The following ERC1 variants were observed in gnomAD, a reference collection of about 807,000 sequenced individuals.
ERC1 encodes the protein ELKS/RAB6-interacting/CAST family member 1.
ERC1 carries 56 observed loss-of-function variants against 132.0 expected under a neutral mutation model. The observed-to-expected ratio is 0.42, with a 90% CI of 0.34 to 0.53. The LOEUF is 0.53. ERC1 is among the 20% of genes least tolerant of loss of function. The pLI, the probability that ERC1 is intolerant of heterozygous loss-of-function variation, is 0.03. For missense variants in ERC1, 1,202 were observed against 1,349.9 expected (o/e 0.89, Z 1.72); for synonymous variants, 478 against 476.1 (o/e 1.00, Z -0.05).
chr12:1,197,757 C>T (rs1956473968), intron 12 of ERC1, among the ~76,000 whole-genome samples: 1 of 152,138 alleles, frequency 6.6e-6, no homozygotes, highest in South Asian at 2.1e-4. Context: ...CTAGAAATTC[C>T]AGTGATGAAA....
chr12:1,176,087 T>A (rs2064945522), intron 8 of ERC1, among the ~76,000 whole-genome samples: 1 of 152,204 alleles, frequency 6.6e-6, no homozygotes, highest in African/African-American at 2.4e-5. Flanking sequence ...TTCCAAAAAG[T>A]TTTCAATTTA....
chr12:1,084,630 ACCTAGTAG>A (rs1442345623), intron 3 of ERC1, among the ~76,000 whole-genome samples: 4 of 152,034 alleles, frequency 2.6e-5, no homozygotes, highest in Non-Finnish European at 4.4e-5. Flanking sequence ...AAGTATTGTT[ACCTAGTAG>A]TAATTATTAA....
chr12:1,343,861 T>C (rs1356481517), intron 15 of ERC1, among the ~76,000 whole-genome samples: 1 of 152,046 alleles, frequency 6.6e-6, no homozygotes, highest in South Asian at 2.1e-4. Flanking sequence ...TTTTTTTTTT[T>C]AAGACAGTCT....
At chr12:1,117,594 T>C (rs1946586365) in intron 7 of ERC1, among the ~76,000 whole-genome samples, 1 of 152,216 alleles carries the variant, frequency 6.6e-6, no homozygotes, top group East Asian at 1.9e-4. Context: ...GGGAACGTAT[T>C]CAACTTCCTT....
chr12:1,485,326 A>T (rs142244833), intron 18 of ERC1, among the ~76,000 whole-genome samples: 1,742 of 143,736 alleles, frequency 0.012, 35 homozygotes, highest in African/African-American at 0.042. Flanking sequence ...TGCCTCAGCC[A>T]CCCAAGTAGC....
intron 2 of ERC1, among the ~76,000 whole-genome samples, chr12:1,040,997 A>C (rs1282366435): frequency 1.3e-5 from 2 of 152,150 alleles, no homozygotes; most frequent in African/African-American, 2.4e-5. Flanking sequence ...GTAATTCTTA[A>C]ACTTGTTGGC....
chr12:1,131,496 C>CT (rs1948755761), intron 7 of ERC1, among the ~76,000 whole-genome samples: 1 of 152,122 alleles, frequency 6.6e-6, no homozygotes, highest in South Asian at 2.1e-4. Flanking sequence ...GAGTCTCTCT[C>CT]TGTCACCCAG....
intron 1 of ERC1, among the ~76,000 whole-genome samples, chr12:1,004,466 A>G (rs1963118074): frequency 1.6e-5 from 2 of 125,242 alleles, no homozygotes; most frequent in East Asian, 2.3e-4. Flanking sequence ...GAGTGCAGTG[A>G]CGTGATCTCG....
At chr12:1,248,311 C>T (rs192347883) in intron 13 of ERC1, among the ~76,000 whole-genome samples, 2 of 152,260 alleles carry the variant, frequency 1.3e-5, no homozygotes, top group East Asian at 3.9e-4. Flanking sequence ...AACATTGTCT[C>T]ATGGAAAAAC....
At chr12:1,450,464 T>G (rs2154415764) in intron 18 of ERC1, among the ~76,000 whole-genome samples, 1 of 152,368 alleles carries the variant, frequency 6.6e-6, no homozygotes, top group South Asian at 2.1e-4. Flanking sequence ...GCACCTTGTT[T>G]AAGGAAATGC....
At chr12:1,253,313 A>G (rs1275990258) in intron 13 of ERC1, among the ~76,000 whole-genome samples, 1 of 152,126 alleles carries the variant, frequency 6.6e-6, no homozygotes, top group Non-Finnish European at 1.5e-5. Context: ...TGTTTGAGGG[A>G]ACAACAAATT....
chr12:1,347,049 G>A (rs1437309934), intron 15 of ERC1, among the ~76,000 whole-genome samples: 2 of 152,018 alleles, frequency 1.3e-5, no homozygotes, highest in African/African-American at 4.8e-5. Flanking sequence ...AAGGTATTTA[G>A]AATTGTGACA....
chr12:1,121,722 T>TG (rs1947186395), intron 7 of ERC1, among the ~76,000 whole-genome samples: 1 of 5,834 alleles, frequency 1.7e-4, no homozygotes. Context: ...TCTCTATCTC[T>TG]ATCTCTATCT....
chr12:1,115,804 A>G lies in ERC1; in HGVS notation c.1402-62A>G, dbSNP rs1295797220. 20 of 1,362,430 alleles carry G rather than the reference A, an allele frequency of 1.5e-5. No homozygotes were observed. In the Admixed American group the frequency reaches 2.1e-4, roughly 14 times the overall value. 84.4% of individuals were successfully genotyped at this position (1,362,430 alleles called of 1,614,324 possible). On this transcript the variant is annotated intron_variant, in intron 6 of 18. Coordinates refer to ENST00000360905, the MANE Select transcript of ERC1 (RefSeq NM_178040.4). Reference sequence around the variant, plus strand: ...ATTTTGTGACTCAGATCTGTGAAAGATACAGATAAGAGGTGTTTGTTTTAT... The same window carrying G: ...ATTTTGTGACTCAGATCTGTGAAAGGTACAGATAAGAGGTGTTTGTTTTAT...
intron 15 of ERC1, among the ~76,000 whole-genome samples, chr12:1,299,148 T>C (rs542362625): frequency 2.6e-5 from 4 of 152,270 alleles, no homozygotes; most frequent in Non-Finnish European, 2.9e-5. Context: ...ATCAGAAATA[T>C]AGAAGATCTA....
chr12:1,356,766 G>C (rs772508020), intron 15 of ERC1, among the ~76,000 whole-genome samples: 6 of 152,186 alleles, frequency 3.9e-5, no homozygotes, highest in Non-Finnish European at 7.3e-5. Context: ...CCCAGCTGAT[G>C]AGAATTTATC....
At chr12:1,295,063 G>T (rs1036861789) in intron 15 of ERC1, among the ~76,000 whole-genome samples, 7 of 152,216 alleles carry the variant, frequency 4.6e-5, no homozygotes, top group Non-Finnish European at 7.3e-5. Flanking sequence ...AGCAGGCATA[G>T]TAAGACTTAG....
intron 18 of ERC1, among the ~76,000 whole-genome samples, chr12:1,463,659 C>T (rs1487458740): frequency 1.4e-5 from 2 of 144,226 alleles, no homozygotes; most frequent in African/African-American, 2.7e-5. Flanking sequence ...ATCAGGACTG[C>T]GCTGGAGAAC....
intron 2 of ERC1, among the ~76,000 whole-genome samples, chr12:1,071,494 C>T (rs183642122): frequency 2.6e-4 from 40 of 152,120 alleles, no homozygotes; most frequent in Admixed American, 2.1e-3. Context: ...TCATCTTCCC[C>T]AGGAATGTAT....
Sources: allele counts gnomAD v4.1 joint callset (sites outside exome capture counted in the v4.1 genomes callset), GRCh38; gene constraint gnomAD v4.1.1; transcripts MANE v1.5; gene names NCBI Gene and HGNC (gene_info 2026-07-23, HGNC 2026-07-21).